LCN9: variants seen among roughly 807,000 people sequenced by gnomAD.
LCN9 encodes epididymal-specific lipocalin-9.
In LCN9, 22 loss-of-function variants were observed where a neutral mutation model predicts 18.5. That is an observed-to-expected ratio of 1.19 (90% CI 0.85 to 1.70). The LOEUF is 1.70. LCN9 is among the 40% of genes most tolerant of loss of function. The pLI is 0.00. For synonymous variants in LCN9, 89 were observed against 83.0 expected, an observed-to-expected ratio of 1.07 and a Z score of -0.39; for missense variants, 202 against 201.3, an observed-to-expected ratio of 1.00 and a Z score of -0.02.
In LCN9 at chr9:135,665,108, G is replaced by A. The variant is rs1834194405; in HGVS notation, c.308-137G>A. On this transcript the variant is annotated intron_variant, in intron 3 of 5. Transcript: ENST00000619315. The surrounding 1 kb of genome is among the most constrained non-coding windows in gnomAD (Gnocchi z 5.9). ...GCCCCCTGTGCAGGGGTCTCCGCTGGGTGAGCACCGTGGGCTCCTCCCCTC... is the reference window on the plus strand; with the variant it reads ...GCCCCCTGTGCAGGGGTCTCCGCTGAGTGAGCACCGTGGGCTCCTCCCCTC... 1.5e-6 allele frequency: 1 copy of A among 685,566 alleles called. No homozygotes were observed. The highest frequency in any genetic ancestry group is 1.7e-5 in the African/African-American group (1 of 57,162). 42.5% of individuals were successfully genotyped at this position (685,566 alleles called of 1,614,324 possible).
exon 6 of LCN9, chr9:135,666,392 T>C (rs1263132571): frequency 2.2e-6 from 1 of 448,218 alleles, no homozygotes. Context: ...TGTCATTGGA[T>C]TTCGGGCCCA....
rs1211698285 is a variant in LCN9, at chr9:135,664,122, G to A, written c.97-40G>A. On this transcript the variant is annotated intron_variant, in intron 1 of 5. Coordinates refer to ENST00000619315, the Ensembl canonical transcript of LCN9. This position sits in a 1 kb window ranked among gnomAD's most constrained non-coding sequence, Gnocchi z 4.5. Reference sequence around the variant, plus strand: ...GTGGGCGCTAAGCATCCCCAGGGCTGTCCCGCGGCCCCCCACCCACTGGAG... The same window carrying A: ...GTGGGCGCTAAGCATCCCCAGGGCTATCCCGCGGCCCCCCACCCACTGGAG... The A allele has an allele frequency of 1.4e-5, 23 of 1,608,336 alleles. No homozygotes were observed. The highest frequency in any genetic ancestry group is 2.0e-5 in the Non-Finnish European group (23 of 1,177,310).
rs1222562729 is a variant in LCN9, at chr9:135,664,970, G to A, written c.307+175G>A. 6.6e-6 allele frequency among the ~76,000 whole-genome samples: 1 copy of A among 152,170 alleles called. No individual in the cohort carries two copies. The highest frequency in any genetic ancestry group is 2.4e-5 in the African/African-American group (1 of 41,452). ...TACCCAGGGGGGCTCCTGGCCCAGGGGAAGCAGGGAGGCAGGTGTGTCATG... is the reference window on the plus strand; with the variant it reads ...TACCCAGGGGGGCTCCTGGCCCAGGAGAAGCAGGGAGGCAGGTGTGTCATG... On this transcript the variant is annotated intron_variant, in intron 3 of 5. Transcript: ENST00000619315. This position sits in a 1 kb window ranked among gnomAD's most constrained non-coding sequence, Gnocchi z 4.5.
In LCN9 at chr9:135,665,448, C is replaced by T; in HGVS notation, c.418+93C>T. 2.7e-6 allele frequency: 3 copies of T among 1,104,588 alleles called. No homozygotes were observed. The highest frequency in any genetic ancestry group is 1.3e-5 in the South Asian group (1 of 74,660). 68.4% of individuals were successfully genotyped at this position (1,104,588 alleles called of 1,614,324 possible). On this transcript the variant is annotated intron_variant, in intron 4 of 5. Transcript: ENST00000619315. The surrounding 1 kb of genome is among the most constrained non-coding windows in gnomAD (Gnocchi z 5.9). ...GGCGGAGGAGGGTCTCGCAGTGGCC[C>T]TGGGGTTTGGAGAGGTGGTTCCCGT...
Position 135,664,853 on chromosome 9 carries a change from C to A in LCN9, c.307+58C>A. 1 of 1,504,342 alleles carries A rather than the reference C, an allele frequency of 6.6e-7. No homozygotes were observed. Among genetic ancestry groups the A allele is most frequent in the Non-Finnish European group, 9.0e-7 (1 of 1,107,450 alleles). 93.2% of individuals were successfully genotyped at this position (1,504,342 alleles called of 1,614,324 possible). A position where few individuals can be genotyped will look rare whatever the true frequency, so the allele number is the denominator to read the frequency against. ...AGTCGGGGGTCTCCTTTCTCCAGGGCCTGGGCCATATTCTGGTGAGCACTG... is the reference window on the plus strand; with the variant it reads ...AGTCGGGGGTCTCCTTTCTCCAGGGACTGGGCCATATTCTGGTGAGCACTG... On this transcript the variant is annotated intron_variant, in intron 3 of 5. Coordinates refer to ENST00000619315, the Ensembl canonical transcript of LCN9. The surrounding 1 kb of genome is among the most constrained non-coding windows in gnomAD (Gnocchi z 4.5).
chr9:135,664,123 T>A lies in LCN9; in HGVS notation c.97-39T>A. 1 of 1,607,810 alleles carries A rather than the reference T, an allele frequency of 6.2e-7. No individual in the cohort carries two copies. The highest frequency in any genetic ancestry group is 1.1e-5 in the South Asian group (1 of 90,534). ...TGGGCGCTAAGCATCCCCAGGGCTG[T>A]CCCGCGGCCCCCCACCCACTGGAGC... On this transcript the variant is annotated intron_variant, in intron 1 of 5. Transcript: ENST00000619315. The surrounding 1 kb of genome is among the most constrained non-coding windows in gnomAD (Gnocchi z 4.5).
Position 135,665,542 on chromosome 9 carries a change from T to A in LCN9, c.419-146T>A. The A allele has an allele frequency of 1.1e-6, 1 of 873,548 alleles. No homozygotes were observed. The highest frequency in any genetic ancestry group is 1.6e-5 in the South Asian group (1 of 62,246). The allele number at this position is 873,548 out of a possible 1,614,324, so 54.1% of individuals were successfully genotyped here. A position where few individuals can be genotyped will look rare whatever the true frequency, so the allele number is the denominator to read the frequency against. On this transcript the variant is annotated intron_variant, in intron 4 of 5. Coordinates refer to ENST00000619315, the Ensembl canonical transcript of LCN9. This position sits in a 1 kb window ranked among gnomAD's most constrained non-coding sequence, Gnocchi z 5.9. ...TTCAATCTGTCACCTCCCATCTCAC[T>A]TGGCACAAAGCCCCTCTCTGGTCAG...
Position 135,665,186 on chromosome 9 carries a change from G to C in LCN9, c.308-59G>C, listed in dbSNP as rs567929909. On this transcript the variant is annotated intron_variant, in intron 3 of 5. Coordinates refer to ENST00000619315, the Ensembl canonical transcript of LCN9. This position sits in a 1 kb window ranked among gnomAD's most constrained non-coding sequence, Gnocchi z 5.9. ...ATCCTCACTTGCGGCCACACAGCAC[G>C]TGTCACAGGACCCTGAGGGTGGCGG... is the stretch of plus-strand genomic sequence containing the variant. 1 of 1,188,016 alleles carries C rather than the reference G, an allele frequency of 8.4e-7. No individual in the cohort carries two copies. Among genetic ancestry groups the C allele is most frequent in the African/African-American group, 1.5e-5 (1 of 66,050 alleles). The allele number at this position is 1,188,016 out of a possible 1,614,324, so 73.6% of individuals were successfully genotyped here.
At position 135,664,907 on chromosome 9, in the gene LCN9, C is replaced by G; in HGVS notation, c.307+112C>G. 1 of 1,154,756 alleles carries G rather than the reference C, an allele frequency of 8.7e-7. No individual in the cohort carries two copies. Among genetic ancestry groups the G allele is most frequent in the East Asian group, 2.6e-5 (1 of 39,052 alleles). 71.5% of individuals were successfully genotyped at this position (1,154,756 alleles called of 1,614,324 possible). A position where few individuals can be genotyped will look rare whatever the true frequency, so the allele number is the denominator to read the frequency against. ...CTGGGGATTTTAGTTAAGCCCCTGA[C>G]AGCTTGACCCTGAACTGGAGGGACC... On this transcript the variant is annotated intron_variant, in intron 3 of 5. Coordinates refer to ENST00000619315, the Ensembl canonical transcript of LCN9. This position sits in a 1 kb window ranked among gnomAD's most constrained non-coding sequence, Gnocchi z 4.5.
chr9:135,666,576 G>A (rs1163167855), exon 6 of LCN9, among the ~76,000 whole-genome samples: 1 of 151,654 alleles, frequency 6.6e-6, no homozygotes, highest in African/African-American at 2.4e-5. Flanking sequence ...TCTCAGACAT[G>A]GTCCCAGCCC....
chr9:135,665,470 C>G lies in LCN9; in HGVS notation c.418+115C>G. The stretch of plus-strand genomic sequence containing the variant: ...GCCCTGGGGTTTGGAGAGGTGGTTC[C>G]CGTTGGCTATTCCTTCCCACAGACA... On this transcript the variant is annotated intron_variant, in intron 4 of 5. Transcript: ENST00000619315. This position sits in a 1 kb window ranked among gnomAD's most constrained non-coding sequence, Gnocchi z 5.9. The G allele has an allele frequency of 2.2e-6, 2 of 926,110 alleles. No homozygotes were observed. Among genetic ancestry groups the G allele is most frequent in the South Asian group, 2.9e-5 (2 of 68,030 alleles). 57.4% of individuals were successfully genotyped at this position (926,110 alleles called of 1,614,324 possible). A position where few individuals can be genotyped will look rare whatever the true frequency, so the allele number is the denominator to read the frequency against.
rs947017751 is a variant in LCN9 at position 135,665,917 on chromosome 9, C to CG, written c.*67dup. The stretch of plus-strand genomic sequence containing the variant: ...GCCCAGGCCTCCCATGCGTGAGCTG[C>CG]GACTCGGGACGGGCAGGGGGCTGGA... On this transcript the variant is annotated 3_prime_UTR_variant, in exon 6 of 6. Coordinates refer to ENST00000619315, the Ensembl canonical transcript of LCN9. The surrounding 1 kb of genome is among the most constrained non-coding windows in gnomAD (Gnocchi z 5.9). The CG allele has an allele frequency of 1.2e-6, 2 of 1,609,748 alleles. No individual in the cohort carries two copies. Among genetic ancestry groups the CG allele is most frequent in the African/African-American group, 2.7e-5 (2 of 74,856 alleles).
Position 135,664,175 on chromosome 9 carries a change from G to A in LCN9, c.110G>A (p.Trp37Ter). 1 of 1,613,608 alleles carries A rather than the reference G, an allele frequency of 6.2e-7. No individual in the cohort carries two copies. The change falls in exon 2 of 6, where the codon TGG (tryptophan) becomes TAG (stop). Residue 37 changes from tryptophan (W) to a stop codon, truncating the protein, a stop_gained. Coordinates refer to ENST00000619315, the Ensembl canonical transcript of LCN9. LOFTEE classifies it high-confidence loss of function. This position sits in a 1 kb window ranked among gnomAD's most constrained non-coding sequence, Gnocchi z 4.5. ...CTTTGTCTTCAGGTTTCAGGGGTCT[G>A]GTATTCTATTTTCATGGCCTCAGAT... is the stretch of plus-strand genomic sequence containing the variant.
At chr9:135,666,652 G>C (rs1226534543) in exon 6 of LCN9, among the ~76,000 whole-genome samples, 1 of 152,148 alleles carries the variant, frequency 6.6e-6, no homozygotes, top group East Asian at 1.9e-4. Flanking sequence ...CGCCTCTGAA[G>C]GCACCTCTGC....
Position 135,664,664 on chromosome 9 carries a change from C to T in LCN9, c.234-58C>T. On this transcript the variant is annotated intron_variant, in intron 2 of 5. Transcript: ENST00000619315. This position sits in a 1 kb window ranked among gnomAD's most constrained non-coding sequence, Gnocchi z 4.5. Reference sequence around the variant, plus strand: ...GCCCTGGAGGAGGGGTGCTCTCTGCCATCGCACGTCCAGGGGGCTGGAGCT... The same window carrying T: ...GCCCTGGAGGAGGGGTGCTCTCTGCTATCGCACGTCCAGGGGGCTGGAGCT... 6.9e-7 allele frequency: 1 copy of T among 1,443,066 alleles called. No homozygotes were observed. Among genetic ancestry groups the T allele is most frequent in the South Asian group, 1.3e-5 (1 of 76,654 alleles). The allele number at this position is 1,443,066 out of a possible 1,614,324, so 89.4% of individuals were successfully genotyped here.
Position 135,665,949 on chromosome 9 carries a change from G to A in LCN9, c.*98G>A. 1.2e-6 allele frequency: 2 copies of A among 1,603,444 alleles called. No individual in the cohort carries two copies. Among genetic ancestry groups the A allele is most frequent in the Non-Finnish European group, 1.7e-6 (2 of 1,177,792 alleles). On this transcript the variant is annotated 3_prime_UTR_variant, in exon 6 of 6. Coordinates refer to ENST00000619315, the Ensembl canonical transcript of LCN9. This position sits in a 1 kb window ranked among gnomAD's most constrained non-coding sequence, Gnocchi z 5.9. Reference sequence around the variant, plus strand: ...GGACGGGCAGGGGGCTGGATGGGGAGAGCTTGGGGCCAACGTCAGAGGCTG... The same window carrying A: ...GGACGGGCAGGGGGCTGGATGGGGAAAGCTTGGGGCCAACGTCAGAGGCTG...
rs947164664 is a variant in LCN9, at chr9:135,665,765, G to A, written c.*9+13G>A. ...TTGACCAACAAAGGTCAGCCCCACT[G>A]CTCCCGGACCAAGCGGGAGCCGGGA... On this transcript the variant is annotated intron_variant, in intron 5 of 5. Transcript: ENST00000619315. This position sits in a 1 kb window ranked among gnomAD's most constrained non-coding sequence, Gnocchi z 5.9. 6 of 1,613,162 alleles carry A rather than the reference G, an allele frequency of 3.7e-6. No homozygotes were observed. Among genetic ancestry groups the A allele is most frequent in the Non-Finnish European group, 4.2e-6 (5 of 1,179,632 alleles).
chr9:135,665,097 G>T lies in LCN9; in HGVS notation c.308-148G>T. On this transcript the variant is annotated intron_variant, in intron 3 of 5. Transcript: ENST00000619315. The surrounding 1 kb of genome is among the most constrained non-coding windows in gnomAD (Gnocchi z 5.9). ...CGCTGCTGCCCGCCCCCTGTGCAGG[G>T]GTCTCCGCTGGGTGAGCACCGTGGG... 3.0e-6 allele frequency: 2 copies of T among 666,930 alleles called. No homozygotes were observed. The highest frequency in any genetic ancestry group is 4.3e-5 in the Admixed American group (2 of 46,228). 41.3% of individuals were successfully genotyped at this position (666,930 alleles called of 1,614,324 possible).
chr9:135,666,699 A>G (rs1404969759), exon 6 of LCN9, among the ~76,000 whole-genome samples: 3 of 152,108 alleles, frequency 2.0e-5, no homozygotes, highest in African/African-American at 7.2e-5. Context: ...AAAGGAGTGG[A>G]TGTACCTGTG....
Sources: allele counts gnomAD v4.1 joint callset (sites outside exome capture counted in the v4.1 genomes callset), GRCh38; gene constraint gnomAD v4.1.1; non-coding constraint Gnocchi (gnomAD v3.1); transcripts MANE v1.5; gene names NCBI Gene and HGNC (gene_info 2026-07-23, HGNC 2026-07-21).